The following SLC27A1 variants were observed in gnomAD, a reference collection of about 807,000 sequenced individuals.
SLC27A1 encodes the protein long-chain fatty acid transport protein 1.
Under a neutral mutation model 62.2 loss-of-function variants are expected in SLC27A1, and 61 were observed. The ratio of observed to expected loss-of-function variants is 0.98; its 90% CI spans 0.80 to 1.21. The LOEUF is 1.21. SLC27A1 is among the 50% of genes most tolerant of loss of function. SLC27A1 has a pLI of 0.00. For missense variants in SLC27A1, 903 were observed against 932.1 expected, an observed-to-expected ratio of 0.97 and a Z score of 0.41; for synonymous variants, 435 against 408.6, an observed-to-expected ratio of 1.06 and a Z score of -0.78.
At chr19:17,500,010 C>T (rs1358721212) in intron 7 of SLC27A1, 2 of 516,998 alleles carry the variant, frequency 3.9e-6, no homozygotes, top group Non-Finnish European at 6.8e-6. Flanking sequence ...GCATCTACTT[C>T]CTGCCAGCAT....
chr19:17,497,248 C>T lies in SLC27A1; in HGVS notation c.997-7C>T. 1 of 1,585,456 alleles carries T rather than the reference C, an allele frequency of 6.3e-7. No individual in the cohort carries two copies. Reference sequence around the variant, plus strand: ...CCCATCACCCACTTCCTCACCCCGTCCCCCAGGTGGTTCAGTACATCGGGG... The same window carrying T: ...CCCATCACCCACTTCCTCACCCCGTTCCCCAGGTGGTTCAGTACATCGGGG... On this transcript the variant is annotated splice_polypyrimidine_tract_variant and splice_region_variant and intron_variant, in intron 6 of 11. Transcript: ENST00000252595.
intron 1 of SLC27A1, among the ~76,000 whole-genome samples, chr19:17,484,300 A>T (rs1367986887): frequency 6.6e-6 from 1 of 152,036 alleles, no homozygotes; most frequent in African/African-American, 2.4e-5. Flanking sequence ...ATAATAAATA[A>T]GGATGGAATG....
Position 17,497,463 on chromosome 19 carries a change from A to G in SLC27A1, c.1205A>G (p.Lys402Arg). Residue 402 changes from lysine to arginine, a missense_variant and splice_region_variant, in exon 7 of 12, where the codon AAG (lysine) becomes AGG (arginine). By Grantham distance (26) the Lys-to-Arg change is conservative. Transcript: ENST00000252595. ...CNCSIANMDG[K>R]VGSCGFNSRI... ...TGCAGCATTGCCAACATGGACGGCAAGGTGCACACCGGCAGGGCCCCGGGG... is the reference window on the plus strand; with the variant it reads ...TGCAGCATTGCCAACATGGACGGCAGGGTGCACACCGGCAGGGCCCCGGGG... The G allele has an allele frequency of 6.2e-7, 1 of 1,606,352 alleles. No individual in the cohort carries two copies. The highest frequency in any genetic ancestry group is 1.1e-5 in the South Asian group (1 of 89,790).
chr19:17,479,103 A>G (rs1044836324), intron 1 of SLC27A1, among the ~76,000 whole-genome samples: 1 of 152,060 alleles, frequency 6.6e-6, no homozygotes, highest in Non-Finnish European at 1.5e-5. Context: ...TCTCTAAACA[A>G]TAAAAAATTT....
chr19:17,469,315 C>T (rs1263711073), upstream of SLC27A1, among the ~76,000 whole-genome samples: 2 of 152,034 alleles, frequency 1.3e-5, no homozygotes, highest in Admixed American at 6.6e-5. Flanking sequence ...TCCCCCGGGC[C>T]CTGGAACGTG....
intron 1 of SLC27A1, among the ~76,000 whole-genome samples, chr19:17,479,972 T>C (rs2007692): frequency 0.53 from 80,405 of 151,962 alleles, 21,966 homozygotes; most frequent in African/African-American, 0.63. Context: ...CTACAGTGAA[T>C]AGCACTGTCA....
Position 17,488,884 on chromosome 19 carries a change from C to T in SLC27A1, c.831C>T (p.Tyr277=), listed in dbSNP as rs1188087967. Residue 277 remains tyrosine, a synonymous_variant, in exon 5 of 12, where the codon TAC becomes TAT. Coordinates refer to ENST00000252595, the MANE Select transcript of SLC27A1 (RefSeq NM_198580.3). The stretch of plus-strand genomic sequence containing the variant: ...TGGCAGCCTTCGGCCACCACGCCTA[C>T]CGCATGCAGGCGGCTGACGTGCTCT... ...YRMAAFGHHA[Y]RMQAADVLYD... 1 of 1,613,992 alleles carries T rather than the reference C, an allele frequency of 6.2e-7. No homozygotes were observed. Among genetic ancestry groups the T allele is most frequent in the Admixed American group, 1.7e-5 (1 of 59,996 alleles).
intron 4 of SLC27A1, 56 bp from the exon 5 acceptor site, chr19:17,488,792 A>G (rs1033460781): frequency 2.7e-6 from 4 of 1,501,280 alleles, no homozygotes; most frequent in Non-Finnish European, 3.7e-6. Context: ...CCATGCCTGT[A>G]CCCTGGGGGA....
chr19:17,488,331 C>G lies in SLC27A1; in HGVS notation c.795-517C>G, dbSNP rs144700513. On this transcript the variant is annotated intron_variant, in intron 4 of 11. Coordinates refer to ENST00000252595, the MANE Select transcript of SLC27A1 (RefSeq NM_198580.3). ...TGAGATCCCGCCACTGCACTCCAGCCTGGATGATACAGCAAGACTCCCTCT... is the reference window on the plus strand; with the variant it reads ...TGAGATCCCGCCACTGCACTCCAGCGTGGATGATACAGCAAGACTCCCTCT... Among the ~76,000 whole-genome samples, 244 of 152,310 alleles carry G rather than the reference C, an allele frequency of 1.6e-3. 3 individuals carry two copies. Among genetic ancestry groups the G allele is most frequent in the African/African-American group, 5.7e-3 (235 of 41,546 alleles).
intron 11 of SLC27A1, chr19:17,503,382 T>A (rs1348841616): frequency 6.6e-6 from 1 of 152,202 alleles, no homozygotes; most frequent in Non-Finnish European, 1.5e-5. Context: ...TATTCAACAC[T>A]GCTATTCTTG....
chr19:17,470,305 TA>T (rs2075060783), upstream of SLC27A1: 1 of 490,436 alleles, frequency 2.0e-6, no homozygotes, highest in Non-Finnish European at 3.5e-6. Flanking sequence ...GTCTGGTTCC[TA>T]GTTAGCGGGC....
At chr19:17,503,931 C>CAA (rs749427478) in intron 11 of SLC27A1, among the ~76,000 whole-genome samples, 49 of 53,266 alleles carry the variant, frequency 9.2e-4, no homozygotes, top group East Asian at 2.8e-3. Context: ...GACTATGTCT[C>CAA]AAAAAAAAAA....
upstream of SLC27A1, among the ~76,000 whole-genome samples, chr19:17,470,280 A>G (rs528988067): frequency 6.6e-6 from 1 of 151,916 alleles, no homozygotes; most frequent in Non-Finnish European, 1.5e-5. Flanking sequence ...GGCCAATCCC[A>G]GGCCTGGGGC....
chr19:17,484,640 A>C (rs990212080), intron 1 of SLC27A1, among the ~76,000 whole-genome samples: 3 of 152,026 alleles, frequency 2.0e-5, no homozygotes, highest in African/African-American at 7.2e-5. Flanking sequence ...GGAGGGAAAG[A>C]GTGAGTGAAG....
chr19:17,477,778 C>T (rs1401999600), intron 1 of SLC27A1, among the ~76,000 whole-genome samples: 1 of 151,998 alleles, frequency 6.6e-6, no homozygotes, highest in African/African-American at 2.4e-5. Flanking sequence ...TGGTCTTGAA[C>T]TCCTGCCCTC....
In SLC27A1 at chr19:17,501,406, G is replaced by A. The variant is rs141758936; in HGVS notation, c.1770G>A (p.Gln590=). Residue 590 remains glutamine (Q), a synonymous_variant, in exon 11 of 12, where the codon CAG becomes CAA. Coordinates refer to ENST00000252595, the MANE Select transcript of SLC27A1 (RefSeq NM_198580.3). The part of the protein sequence containing the change: ...ARPIFLRLLP[Q]VDTTGTFKIQ... ...CCATCTTCCTGCGCCTCCTGCCCCA[G>A]GTGGACACCACAGGTGCGAGTCTCC... The A allele has an allele frequency of 1.9e-6, 3 of 1,613,254 alleles. No individual in the cohort carries two copies. Among genetic ancestry groups the A allele is most frequent in the Middle Eastern group, 1.7e-4 (1 of 6,056 alleles).
intron 6 of SLC27A1, chr19:17,491,014 G>A (rs1174405679): frequency 7.4e-6 from 1 of 134,974 alleles, no homozygotes; most frequent in Admixed American, 7.8e-5. Flanking sequence ...GGGCGTGACA[G>A]AGTGAGACTC....
At chr19:17,470,080 C>A (rs1053982428), upstream of SLC27A1, among the ~76,000 whole-genome samples, 3 of 151,660 alleles carry the variant, frequency 2.0e-5, no homozygotes, top group South Asian at 2.1e-4. Flanking sequence ...GGGGACAGGA[C>A]GTGAAGGGTA....
At chr19:17,491,725 C>A (rs1244184066) in intron 6 of SLC27A1, among the ~76,000 whole-genome samples, 1 of 151,714 alleles carries the variant, frequency 6.6e-6, no homozygotes, top group Admixed American at 6.6e-5. Flanking sequence ...AATTGAAAAT[C>A]TAGCTGGTTG....
Sources: gnomAD v4.1 joint callset for allele counts (sites outside exome capture counted in the v4.1 genomes callset) on GRCh38, gnomAD v4.1.1 for gene constraint, MANE v1.5 for transcripts, NCBI Gene and HGNC (gene_info 2026-07-23, HGNC 2026-07-21) for gene names.